Variants in RNF43 observed in about 807,000 individuals in gnomAD.
RNF43 encodes the protein ring finger protein 43.
Under a neutral mutation model 78.4 loss-of-function variants are expected in RNF43, and 37 were observed. The observed-to-expected ratio is 0.47, with a 90% CI of 0.36 to 0.62. The LOEUF is 0.62. Among genes scored for constraint, RNF43 ranks in the 20% least tolerant of loss-of-function variants. The pLI is 0.00. For missense variants in RNF43, 774 were observed against 1,007.9 expected (o/e 0.77, Z 3.14); for synonymous variants, 347 against 395.0 (o/e 0.88, Z 1.44).
Position 58,374,360 on chromosome 17 carries a change from C to T in RNF43, c.253-3327G>A, listed in dbSNP as rs1043465700. Among the ~76,000 whole-genome samples the T allele has an allele frequency of 4.6e-5, 7 of 151,770 alleles. No homozygotes were observed. The South Asian group carries it at 8.4e-4, about 18-fold the overall frequency. On this transcript the variant is annotated intron_variant, in intron 2 of 9. Coordinates refer to ENST00000407977, the MANE Select transcript of RNF43 (RefSeq NM_017763.6). The stretch of plus-strand genomic sequence containing the variant: ...TCCCTAAAATGTTGATGGTGACCCC[C>T]GGGATTCTTAGACCCTCCTCTCTTT...
chr17:58,391,795 C>T (rs1320540503), intron 2 of RNF43, among the ~76,000 whole-genome samples: 6 of 152,174 alleles, frequency 3.9e-5, no homozygotes, highest in Non-Finnish European at 7.3e-5. Context: ...AATGTGCTCT[C>T]TGTCTCTCCA....
rs951999353 is a variant in RNF43 at position 58,354,365 on chromosome 17, C to T, written c.*578G>A. Reference sequence around the variant, plus strand: ...TAGTGGGAAAGCTTCAGGGACCCCTCCTTTTAGTGCTCAGGGCTCACCTAT... The same window carrying T: ...TAGTGGGAAAGCTTCAGGGACCCCTTCTTTTAGTGCTCAGGGCTCACCTAT... On this transcript the variant is annotated 3_prime_UTR_variant, in exon 10 of 10. Transcript: ENST00000407977. 5 of 210,964 alleles carry T rather than the reference C, an allele frequency of 2.4e-5. No individual in the cohort carries two copies. Among genetic ancestry groups the T allele is most frequent in the African/African-American group, 1.1e-4 (5 of 43,940 alleles). The allele number at this position is 210,964 out of a possible 1,614,324, so 13.1% of individuals were successfully genotyped here.
At chr17:58,367,729 G>A (rs1454929133) in intron 3 of RNF43, among the ~76,000 whole-genome samples, 2 of 152,124 alleles carry the variant, frequency 1.3e-5, no homozygotes, top group African/African-American at 4.8e-5. Context: ...ATAGTGGGGT[G>A]GTGACAAGAA....
chr17:58,361,658 C>T (rs549660330), intron 6 of RNF43, among the ~76,000 whole-genome samples: 4 of 152,314 alleles, frequency 2.6e-5, no homozygotes, highest in African/African-American at 9.6e-5. Context: ...GTTTCACCCA[C>T]AGTAAAAAAC....
intron 2 of RNF43, among the ~76,000 whole-genome samples, chr17:58,386,411 A>G (rs563674687): frequency 2.8e-4 from 42 of 152,338 alleles, no homozygotes; most frequent in African/African-American, 1.0e-3. Context: ...TGGGCAACAG[A>G]GAGAGACTCT....
chr17:58,369,887 C>T (rs1394664913), intron 3 of RNF43, among the ~76,000 whole-genome samples: 2 of 152,086 alleles, frequency 1.3e-5, no homozygotes, highest in Non-Finnish European at 2.9e-5. Context: ...TTAGTTAAAG[C>T]AGCAGTCACA....
intron 2 of RNF43, among the ~76,000 whole-genome samples, chr17:58,404,228 T>C (rs747862727): frequency 7.9e-5 from 12 of 152,176 alleles, no homozygotes; most frequent in Non-Finnish European, 1.3e-4. Flanking sequence ...GTCTTTGATG[T>C]CCAACAACTA....
chr17:58,362,460 C>A (rs1972855978), intron 6 of RNF43, 84 bp downstream of exon 6: 1 of 960,114 alleles, frequency 1.0e-6, no homozygotes, highest in Non-Finnish European at 1.5e-6. Context: ...AAGGTGCCTT[C>A]TTCACGTACT....
At chr17:58,408,409 G>A (rs879589772) in intron 2 of RNF43, among the ~76,000 whole-genome samples, 1 of 152,144 alleles carries the variant, frequency 6.6e-6, no homozygotes, top group Non-Finnish European at 1.5e-5. Context: ...AAACCAGAAC[G>A]GGTAATCACA....
intron 2 of RNF43, among the ~76,000 whole-genome samples, chr17:58,374,582 G>A (rs1301989338): frequency 6.6e-6 from 1 of 151,952 alleles, no homozygotes; most frequent in Non-Finnish European, 1.5e-5. Context: ...TAGTAGAGAT[G>A]GGGTTTCACT....
At chr17:58,411,963 T>G (rs1005457808) in intron 2 of RNF43, among the ~76,000 whole-genome samples, 11 of 152,204 alleles carry the variant, frequency 7.2e-5, no homozygotes, top group African/African-American at 2.7e-4. Context: ...TATATTCCAA[T>G]GTGAATAAAA....
Position 58,360,999 on chromosome 17 carries a change from C to T in RNF43, c.688-55G>A, listed in dbSNP as rs1181142513. 25 of 1,486,260 alleles carry T rather than the reference C, an allele frequency of 1.7e-5. No homozygotes were observed. Among genetic ancestry groups the T allele is most frequent in the Non-Finnish European group, 2.2e-5 (24 of 1,114,384 alleles). 92.1% of individuals were successfully genotyped at this position (1,486,260 alleles called of 1,614,324 possible). A position where few individuals can be genotyped will look rare whatever the true frequency, so the allele number is the denominator to read the frequency against. The stretch of plus-strand genomic sequence containing the variant: ...GCATGGGCTCCCCTTCCCTCCCTCT[C>T]TGGACCCAAGCTTGGACTCCGTTCC... On this transcript the variant is annotated intron_variant, in intron 6 of 9. Transcript: ENST00000407977. This position sits in a 1 kb window ranked among gnomAD's most constrained non-coding sequence, Gnocchi z 4.3.
At chr17:58,395,192 T>C (rs983773627) in intron 2 of RNF43, among the ~76,000 whole-genome samples, 1 of 152,192 alleles carries the variant, frequency 6.6e-6, no homozygotes, top group African/African-American at 2.4e-5. Context: ...AAACAGGATC[T>C]GAAATTCCTT....
intron 2 of RNF43, among the ~76,000 whole-genome samples, chr17:58,413,343 AATTG>A (rs1974061244): frequency 6.6e-6 from 1 of 152,218 alleles, no homozygotes; most frequent in African/African-American, 2.4e-5. Context: ...GTAGATTAAA[AATTG>A]ATTAACAGAC....
At chr17:58,412,180 A>T (rs1212755163) in intron 2 of RNF43, among the ~76,000 whole-genome samples, 2 of 152,194 alleles carry the variant, frequency 1.3e-5, no homozygotes, top group East Asian at 3.8e-4. Flanking sequence ...GAAGAGGAAG[A>T]GACAAATATT....
chr17:58,399,945 C>T (rs1198628024), intron 2 of RNF43, among the ~76,000 whole-genome samples: 1 of 151,996 alleles, frequency 6.6e-6, no homozygotes, highest in Non-Finnish European at 1.5e-5. Context: ...CAGCCAATAG[C>T]AGCAATTTAA....
chr17:58,401,836 A>C (rs942131946), intron 2 of RNF43, among the ~76,000 whole-genome samples: 10 of 152,044 alleles, frequency 6.6e-5, no homozygotes, highest in East Asian at 3.8e-4. Context: ...AAAAAAAAAA[A>C]AAACCTATAA....
At chr17:58,393,548 C>T (rs779492548) in intron 2 of RNF43, among the ~76,000 whole-genome samples, 3 of 152,174 alleles carry the variant, frequency 2.0e-5, no homozygotes, top group African/African-American at 4.8e-5. Flanking sequence ...CAACAGTAGG[C>T]TAGGTTTTGG....
chr17:58,355,647 C>A (rs1330692414), intron 9 of RNF43, among the ~76,000 whole-genome samples: 1 of 152,034 alleles, frequency 6.6e-6, no homozygotes, highest in African/African-American at 2.4e-5. Context: ...GGTGCAGGAA[C>A]CTTTGAGGCC....
Sources: allele counts gnomAD v4.1 joint callset (sites outside exome capture counted in the v4.1 genomes callset), GRCh38; gene constraint gnomAD v4.1.1; non-coding constraint Gnocchi (gnomAD v3.1); transcripts MANE v1.5; gene names NCBI Gene and HGNC (gene_info 2026-07-23, HGNC 2026-07-21).